Variants in PAK5 observed in about 807,000 individuals in gnomAD.
PAK5 encodes serine/threonine-protein kinase PAK 5.
Under a neutral mutation model 65.9 loss-of-function variants are expected in PAK5, and 16 were observed. The ratio of observed to expected loss-of-function variants is 0.24; its 90% CI spans 0.16 to 0.37. The LOEUF (loss-of-function observed/expected upper bound fraction) is 0.37. Among genes scored for constraint, PAK5 ranks in the 10% least tolerant of loss-of-function variants. The pLI is 1.00. For synonymous variants in PAK5, 371 were observed against 354.9 expected, an observed-to-expected ratio of 1.05 and a Z score of -0.51; for missense variants, 785 against 903.9, an observed-to-expected ratio of 0.87 and a Z score of 1.69.
chr20:9,693,277 A>T (rs1385751035), intron 2 of PAK5, among the ~76,000 whole-genome samples: 1 of 152,056 alleles, frequency 6.6e-6, no homozygotes, highest in Non-Finnish European at 1.5e-5. Context: ...GTGGGATAAG[A>T]CCCTCTTAAC....
chr20:9,657,168 C>T (rs2047279643), intron 2 of PAK5, among the ~76,000 whole-genome samples: 1 of 152,072 alleles, frequency 6.6e-6, no homozygotes, highest in Non-Finnish European at 1.5e-5. Flanking sequence ...ATTGCTAAGC[C>T]CTGGCAACCT....
At chr20:9,707,363 G>C (rs2053059803) in intron 2 of PAK5, among the ~76,000 whole-genome samples, 2 of 152,114 alleles carry the variant, frequency 1.3e-5, no homozygotes, top group Admixed American at 6.6e-5. Context: ...TTCTACCTCA[G>C]CCTCTTAAAG....
At chr20:9,640,884 G>C (rs1250344407) in intron 3 of PAK5, among the ~76,000 whole-genome samples, 1 of 152,194 alleles carries the variant, frequency 6.6e-6, no homozygotes, top group East Asian at 1.9e-4. Context: ...GCTCATATAA[G>C]CAGTGTGGCC....
At chr20:9,718,347 T>C (rs1167389116) in intron 1 of PAK5, among the ~76,000 whole-genome samples, 3 of 152,134 alleles carry the variant, frequency 2.0e-5, no homozygotes, top group African/African-American at 7.2e-5. Context: ...ACTTAGAGAC[T>C]GGAAGGGTTC....
At chr20:9,602,405 G>A (rs1467158577) in intron 3 of PAK5, among the ~76,000 whole-genome samples, 1 of 152,140 alleles carries the variant, frequency 6.6e-6, no homozygotes, top group Non-Finnish European at 1.5e-5. Flanking sequence ...ATACAACCTA[G>A]GGAATAATAG....
At chr20:9,627,487 GGCCTGCAGCACTGCAGCA>G (rs1378346649) in intron 3 of PAK5, among the ~76,000 whole-genome samples, 1 of 152,114 alleles carries the variant, frequency 6.6e-6, no homozygotes, top group African/African-American at 2.4e-5. Flanking sequence ...TAGGAGCAAT[GGCCTGCAGCACTGCAGCA>G]GCCTGCAGGT....
chr20:9,658,845 C>T (rs66642658), intron 2 of PAK5, among the ~76,000 whole-genome samples: 27,876 of 152,060 alleles, frequency 0.18, 2,932 homozygotes, highest in East Asian at 0.4. Context: ...CTCACAAGCT[C>T]ATGTGAGCCA....
rs1204794727 is a variant in PAK5 at position 9,572,065 on chromosome 20, T to G, written c.991-5681A>C. On this transcript the variant is annotated intron_variant, in intron 4 of 9. Transcript: ENST00000353224. ...GAGGGGGTGAAAGACAAATTAAGGG[T>G]TTTTTTTTTTTTTTTGGCTTGTTTG... Among the ~76,000 whole-genome samples the G allele has an allele frequency of 3.7e-4, 21 of 56,038 alleles. No homozygotes were observed. In the Middle Eastern group the frequency reaches 0.024, roughly 64 times the overall value. 36.8% of individuals were successfully genotyped at this position (56,038 alleles called of 152,430 possible).
At chr20:9,704,471 G>C (rs1352886579) in intron 2 of PAK5, among the ~76,000 whole-genome samples, 1 of 152,116 alleles carries the variant, frequency 6.6e-6, no homozygotes, top group Non-Finnish European at 1.5e-5. Context: ...CTGCAGATGA[G>C]AGCTTAAGTA....
chr20:9,818,197 T>C (rs1460879274), intron 1 of PAK5, among the ~76,000 whole-genome samples: 1 of 152,222 alleles, frequency 6.6e-6, no homozygotes, highest in Admixed American at 6.5e-5. Flanking sequence ...AGATTCTTCC[T>C]CCTCTTCCAT....
chr20:9,540,488 TG>T (rs1310555788), intron 9 of PAK5, among the ~76,000 whole-genome samples: 2 of 144,850 alleles, frequency 1.4e-5, no homozygotes, highest in East Asian at 3.8e-4. Flanking sequence ...CTTCTCTATC[TG>T]GCTTCTTTCA....
chr20:9,549,578 G>A (rs1429915420), intron 7 of PAK5, among the ~76,000 whole-genome samples: 2 of 152,056 alleles, frequency 1.3e-5, no homozygotes, highest in Non-Finnish European at 1.5e-5. Context: ...AAAACTGATT[G>A]AACACCAGCC....
chr20:9,542,439 G>T, intron 9 of PAK5, 147 bp downstream of exon 9: 1 of 802,416 alleles, frequency 1.2e-6, no homozygotes. Flanking sequence ...GAAGAACAGA[G>T]ATTCAAACCT....
intron 7 of PAK5, among the ~76,000 whole-genome samples, chr20:9,547,369 GA>G (rs2045360861): frequency 6.6e-6 from 1 of 152,156 alleles, no homozygotes; most frequent in African/African-American, 2.4e-5. Flanking sequence ...CCTAGGAAAT[GA>G]ATACACTCAC....
intron 1 of PAK5, among the ~76,000 whole-genome samples, chr20:9,807,341 G>A (rs1200459308): frequency 7.2e-5 from 11 of 151,934 alleles, no homozygotes; most frequent in Non-Finnish European, 1.5e-5. Flanking sequence ...TTTAACAGCT[G>A]GTGCCCCACA....
intron 1 of PAK5, among the ~76,000 whole-genome samples, chr20:9,715,668 A>T (rs1263625447): frequency 4.6e-5 from 7 of 152,060 alleles, no homozygotes; most frequent in African/African-American, 1.4e-4. Flanking sequence ...AATGATAGAC[A>T]GAATTAAGAA....
chr20:9,638,811 T>C (rs930400202), intron 3 of PAK5, among the ~76,000 whole-genome samples: 2 of 151,980 alleles, frequency 1.3e-5, no homozygotes, highest in African/African-American at 4.8e-5. Context: ...CAAGGAAGAG[T>C]GTTGGTGGCA....
intron 3 of PAK5, among the ~76,000 whole-genome samples, chr20:9,641,575 T>C (rs887026665): frequency 3.3e-5 from 5 of 151,972 alleles, no homozygotes; most frequent in South Asian, 2.1e-4. Context: ...CTGCCAGTCC[T>C]GTGCGGTGCG....
rs767530143 is a variant in PAK5, at chr20:9,645,588, C to CT, written c.-11-1250dup. Among the ~76,000 whole-genome samples, 1,070 of 144,758 alleles carry CT rather than the reference C, an allele frequency of 7.4e-3. 7 individuals are homozygous for CT. The highest frequency in any genetic ancestry group is 0.011 in the South Asian group (49 of 4,574). The allele number at this position is 144,758 out of a possible 152,430, so 95.0% of individuals were successfully genotyped here. A position where few individuals can be genotyped will look rare whatever the true frequency, so the allele number is the denominator to read the frequency against. ...AGGTAGGTCATATATTCCTACACTT[C>CT]TTTTTTTTTTTTTTGAGACAGAGTA... On this transcript the variant is annotated intron_variant, in intron 2 of 9. Transcript: ENST00000353224.
Sources: allele counts gnomAD v4.1 joint callset (sites outside exome capture counted in the v4.1 genomes callset), GRCh38; gene constraint gnomAD v4.1.1; transcripts MANE v1.5; gene names NCBI Gene and HGNC (gene_info 2026-07-23, HGNC 2026-07-21).